ASB11: variants seen among roughly 807,000 people sequenced by gnomAD.
ASB11 encodes ankyrin repeat and SOCS box containing 11, also known as ankyrin repeat and SOCS box protein 11.
A neutral mutation model predicts 20.1 loss-of-function variants in ASB11; 17 were observed. The observed-to-expected ratio is 0.85, with a 90% confidence interval of 0.58 to 1.27. The LOEUF (loss-of-function observed/expected upper bound fraction) is 1.27. Ranked by LOEUF, ASB11 falls within the 50% of genes most tolerant of loss-of-function variation. The pLI is 0.00. For missense variants in ASB11, 259 were observed against 256.9 expected, an observed-to-expected ratio of 1.01 and a Z score of -0.06; for synonymous variants, 107 against 105.6, an observed-to-expected ratio of 1.01 and a Z score of -0.08.
rs949792789 is a variant in ASB11, at chrX:15,282,821, A to G, written c.*684T>C. 9.4e-6 allele frequency: 1 copy of G among 106,730 alleles called. No individual in the cohort carries two copies. Among genetic ancestry groups the G allele is most frequent in the African/African-American group, 3.4e-5 (1 of 29,744 alleles). 8.8% of individuals were successfully genotyped at this position (106,730 alleles called of 1,213,427 possible). A position where few individuals can be genotyped will look rare whatever the true frequency, so the allele number is the denominator to read the frequency against. ...ATGTATATATATATAAAGTCTATATAAATATATATAACTTTATATATAAAG... is the reference window on the plus strand; with the variant it reads ...ATGTATATATATATAAAGTCTATATGAATATATATAACTTTATATATAAAG... On this transcript the variant is annotated 3_prime_UTR_variant, in exon 7 of 7. Transcript: ENST00000480796.
chrX:15,289,531 C>T lies in ASB11; in HGVS notation c.628G>A (p.Asp210Asn). ...AATTCTAGAAGTTTCTTCACACAGTCTACCCTCTGGTAGGTGCAGGCCACA... is the reference window on the plus strand; with the variant it reads ...AATTCTAGAAGTTTCTTCACACAGTTTACCCTCTGGTAGGTGCAGGCCACA... The part of the protein sequence containing the change: ...LYVACTYQRV[D>N]CVKKLLELGA... Residue 210 changes from aspartate (D) to asparagine (N), a missense_variant, in exon 5 of 7, where the codon GAC (aspartate) becomes AAC (asparagine). Transcript: ENST00000480796. 6 of 1,208,483 alleles carry T rather than the reference C, an allele frequency of 5.0e-6. No individual in the cohort carries two copies. Among genetic ancestry groups the T allele is most frequent in the Non-Finnish European group, 6.7e-6 (6 of 893,720 alleles).
intron 4 of ASB11, among the ~76,000 whole-genome samples, chrX:15,292,679 G>A (rs1927563547): frequency 8.9e-6 from 1 of 112,129 alleles, no homozygotes; most frequent in African/African-American, 3.2e-5. Flanking sequence ...AACTTATTAT[G>A]AACGGTTATA....
chrX:15,300,956 TTTTA>T (rs1039776963), intron 2 of ASB11, among the ~76,000 whole-genome samples: 4 of 111,455 alleles, frequency 3.6e-5, no homozygotes, highest in African/African-American at 1.3e-4. Context: ...ACCTTTTTAA[TTTTA>T]TTTATTTATT....
intron 1 of ASB11, among the ~76,000 whole-genome samples, chrX:15,304,647 A>G (rs1921177891): frequency 8.9e-6 from 1 of 112,265 alleles, no homozygotes; most frequent in East Asian, 2.8e-4. Flanking sequence ...TGGGAAGCTG[A>G]GGCGGGCAGA....
intron 3 of ASB11, among the ~76,000 whole-genome samples, chrX:15,294,417 C>T (rs1462075946): frequency 8.9e-6 from 1 of 112,354 alleles, no homozygotes; most frequent in African/African-American, 3.2e-5. Flanking sequence ...GCTATCCAGG[C>T]TGGAGTGCAG....
At chrX:15,288,777 C>A (rs1409761021) in intron 5 of ASB11, among the ~76,000 whole-genome samples, 2 of 110,268 alleles carry the variant, frequency 1.8e-5, no homozygotes, top group African/African-American at 6.6e-5. Flanking sequence ...CCCAGCTACT[C>A]CGGCGGCTAG....
At chrX:15,307,296 C>T (rs958633792) in intron 1 of ASB11, among the ~76,000 whole-genome samples, 3 of 111,783 alleles carry the variant, frequency 2.7e-5, no homozygotes, top group South Asian at 3.8e-4. Flanking sequence ...GAACATGTAC[C>T]GTGTGATTTG....
chrX:15,296,728 T>C (rs1920968455), intron 3 of ASB11, among the ~76,000 whole-genome samples: 1 of 112,377 alleles, frequency 8.9e-6, no homozygotes, highest in South Asian at 3.7e-4. Context: ...TTTTCTATTG[T>C]TCTTTAAAAT....
chrX:15,284,269 A>AG (rs1348831715), intron 6 of ASB11, among the ~76,000 whole-genome samples: 3 of 107,521 alleles, frequency 2.8e-5, no homozygotes, highest in South Asian at 4.0e-4. Context: ...AAAAAAAAAA[A>AG]AGAAAGAAAG....
intron 6 of ASB11, among the ~76,000 whole-genome samples, chrX:15,286,663 CAAAAAAAA>C (rs764801887): frequency 3.7e-5 from 2 of 54,408 alleles, no homozygotes; most frequent in African/African-American, 7.7e-5. Flanking sequence ...GACTCCATCT[CAAAAAAAA>C]AAAAAAAAAA....
rs767262827 is a variant in ASB11, at chrX:15,306,703, AAACAAC to A, written c.182-3902_182-3897del. On this transcript the variant is annotated intron_variant, in intron 1 of 6. Transcript: ENST00000480796. ...GGGTGACACAGTGACACTTTGTCTC[AAACAAC>A]AACAACAACAACAACAACAACAACA... Among the ~76,000 whole-genome samples, 454 of 109,631 alleles carry A rather than the reference AAACAAC, an allele frequency of 4.1e-3. 1 individual carries two copies. Among genetic ancestry groups the A allele is most frequent in the Non-Finnish European group, 4.7e-3 (249 of 52,663 alleles).
In ASB11 at chrX:15,281,710, T is replaced by TTTTG. The variant is rs1555937586; in HGVS notation, c.*1794_*1795insCAAA. 1 of 104,966 alleles carries TTTTG rather than the reference T, an allele frequency of 9.5e-6. No homozygotes were observed. Among genetic ancestry groups the TTTTG allele is most frequent in the South Asian group, 4.3e-4 (1 of 2,316 alleles). 8.7% of individuals were successfully genotyped at this position (104,966 alleles called of 1,213,427 possible). Reference sequence around the variant, plus strand: ...TTTCTTTCTTTCTTTTTTTTTTTTTTGTTTTGAGACGGAGTCTCGCTCTGT... The same window carrying TTTTG: ...TTTCTTTCTTTCTTTTTTTTTTTTTTTTTGGTTTTGAGACGGAGTCTCGCTCTGT... On this transcript the variant is annotated 3_prime_UTR_variant, in exon 7 of 7. Coordinates refer to ENST00000480796, the MANE Select transcript of ASB11 (RefSeq NM_080873.3).
intron 1 of ASB11, among the ~76,000 whole-genome samples, chrX:15,309,733 T>A (rs1213485510): frequency 3.7e-5 from 4 of 109,131 alleles, no homozygotes; most frequent in Admixed American, 2.0e-4. Context: ...TTTGGGAGAC[T>A]GAGGCGGGTG....
intron 1 of ASB11, among the ~76,000 whole-genome samples, chrX:15,308,561 T>C (rs976135701): frequency 9.0e-6 from 1 of 111,201 alleles, no homozygotes; most frequent in African/African-American, 3.3e-5. Flanking sequence ...GCTCCCAGAG[T>C]ACCCATCCCA....
intron 1 of ASB11, among the ~76,000 whole-genome samples, chrX:15,306,610 G>A (rs1921254936): frequency 1.8e-5 from 2 of 110,276 alleles, no homozygotes; most frequent in African/African-American, 6.6e-5. Context: ...GGCTGAGGCA[G>A]GAGAATCACT....
chrX:15,289,233 C>T (rs1236893849), intron 5 of ASB11, among the ~76,000 whole-genome samples: 4 of 112,400 alleles, frequency 3.6e-5, no homozygotes, highest in African/African-American at 9.7e-5. Context: ...TTTCTTGCTG[C>T]GTATGGATAA....
intron 4 of ASB11, 56 bp downstream of exon 4, chrX:15,293,114 A>T: frequency 8.5e-7 from 1 of 1,172,206 alleles, no homozygotes; most frequent in Non-Finnish European, 1.1e-6. Context: ...CCATTGATTC[A>T]TACAGATTGG....
intron 1 of ASB11, among the ~76,000 whole-genome samples, chrX:15,305,852 T>C (rs139015955): frequency 0.013 from 1,465 of 111,673 alleles, 25 homozygotes; most frequent in African/African-American, 0.045. Context: ...GGGTTTGTTT[T>C]ACAGAGTATT....
At chrX:15,313,244 C>A (rs763326282) in intron 1 of ASB11, among the ~76,000 whole-genome samples, 148 of 110,783 alleles carry the variant, frequency 1.3e-3, no homozygotes, top group Non-Finnish European at 2.3e-3. Flanking sequence ...ACTAAAAATA[C>A]AAAAATTAGC....
Sources: gnomAD v4.1 joint callset for allele counts (sites outside exome capture counted in the v4.1 genomes callset) on GRCh38, gnomAD v4.1.1 for gene constraint, MANE v1.5 for transcripts, NCBI Gene and HGNC (gene_info 2026-07-23, HGNC 2026-07-21) for gene names.